Variants in NOVA1 observed in about 807,000 individuals in gnomAD.
The protein encoded by NOVA1 is NOVA alternative splicing regulator 1.
Under a neutral mutation model 38.0 loss-of-function variants are expected in NOVA1, and 7 were observed. The ratio of observed to expected loss-of-function variants is 0.18; its 90% CI spans 0.10 to 0.35. NOVA1 has a LOEUF of 0.35. NOVA1 is among the 10% of genes least tolerant of loss of function. The pLI is 1.00. For synonymous variants in NOVA1, 270 were observed against 232.5 expected, an observed-to-expected ratio of 1.16 and a Z score of -1.47; for missense variants, 460 against 616.0, an observed-to-expected ratio of 0.75 and a Z score of 2.68.
At chr14:26,559,332 A>G (rs178164) in intron 2 of NOVA1, among the ~76,000 whole-genome samples, 145,524 of 152,196 alleles carry the variant, frequency 0.96, 69,892 homozygotes, top group East Asian at 1. Context: ...TACCGTCATC[A>G]TTTATTGAAT....
chr14:26,591,195 T>C (rs2138811539), intron 2 of NOVA1, among the ~76,000 whole-genome samples: 1 of 151,782 alleles, frequency 6.6e-6, no homozygotes, highest in African/African-American at 2.4e-5. Flanking sequence ...TTTTCAGAGA[T>C]ACTAATGTTT....
At chr14:26,557,978 A>T (rs1202347444) in intron 2 of NOVA1, among the ~76,000 whole-genome samples, 1 of 151,882 alleles carries the variant, frequency 6.6e-6, no homozygotes, top group Non-Finnish European at 1.5e-5. Context: ...GAGGAACCTT[A>T]AACGCATCTT....
chr14:26,470,531 T>C (rs2138247289), intron 4 of NOVA1: 2 of 1,283,568 alleles, frequency 1.6e-6, no homozygotes, highest in Non-Finnish European at 2.3e-6. Flanking sequence ...TAAGTAACAA[T>C]ATAACAGAGT....
At chr14:26,557,228 T>C (rs1264163022) in intron 2 of NOVA1, among the ~76,000 whole-genome samples, 2 of 152,158 alleles carry the variant, frequency 1.3e-5, no homozygotes, top group Admixed American at 1.3e-4. Context: ...AGTATCTCCT[T>C]AGGGAAGTGA....
chr14:26,582,662 CTA>C (rs1353445068), intron 2 of NOVA1, among the ~76,000 whole-genome samples: 4 of 151,744 alleles, frequency 2.6e-5, no homozygotes, highest in Admixed American at 6.6e-5. Context: ...ACCTATCAAA[CTA>C]TATATGTTTT....
At chr14:26,494,879 C>A (rs1886639613) in intron 2 of NOVA1, among the ~76,000 whole-genome samples, 1 of 152,144 alleles carries the variant, frequency 6.6e-6, no homozygotes, top group Non-Finnish European at 1.5e-5. Flanking sequence ...TAGTTTGAAC[C>A]TGTAAATATT....
At chr14:26,537,157 G>A (rs990234965) in intron 2 of NOVA1, among the ~76,000 whole-genome samples, 2 of 151,906 alleles carry the variant, frequency 1.3e-5, no homozygotes, top group African/African-American at 4.8e-5. Context: ...ATAAAGGATT[G>A]ATAAATATAT....
chr14:26,508,825 T>C (rs927074976), intron 2 of NOVA1, among the ~76,000 whole-genome samples: 2 of 151,916 alleles, frequency 1.3e-5, no homozygotes, highest in Non-Finnish European at 2.9e-5. Context: ...AAAATCTTTA[T>C]ATTTTAAAAA....
intron 2 of NOVA1, among the ~76,000 whole-genome samples, chr14:26,568,834 G>A (rs893484671): frequency 2.0e-5 from 3 of 152,140 alleles, no homozygotes; most frequent in South Asian, 2.1e-4. Context: ...AGTAAAATAC[G>A]CCCTGATCCT....
intron 2 of NOVA1, among the ~76,000 whole-genome samples, chr14:26,589,900 T>TCAACCCAAGC (rs1893743369): frequency 1.3e-5 from 2 of 151,874 alleles, no homozygotes; most frequent in South Asian, 4.1e-4. Flanking sequence ...GGAAATTTCA[T>TCAACCCAAGC]CAACCCAAGC....
chr14:26,450,519 A>G (rs996254911), intron 4 of NOVA1, among the ~76,000 whole-genome samples: 7 of 152,300 alleles, frequency 4.6e-5, no homozygotes, highest in African/African-American at 1.7e-4. Context: ...TAAGTTTTCA[A>G]GAACTTAGAA....
intron 2 of NOVA1, among the ~76,000 whole-genome samples, chr14:26,563,371 T>A (rs1891943397): frequency 1.4e-5 from 2 of 140,444 alleles, no homozygotes; most frequent in Non-Finnish European, 3.1e-5. Context: ...AAGTAAAAAA[T>A]CAGAGAAACA....
intron 3 of NOVA1, among the ~76,000 whole-genome samples, chr14:26,474,485 C>T (rs964808867): frequency 2.0e-5 from 3 of 151,760 alleles, no homozygotes; most frequent in Non-Finnish European, 4.4e-5. Context: ...TACAATCTGT[C>T]GATTTTTATT....
intron 2 of NOVA1, among the ~76,000 whole-genome samples, chr14:26,488,453 C>T (rs1024221050): frequency 6.6e-6 from 1 of 152,134 alleles, no homozygotes; most frequent in African/African-American, 2.4e-5. Context: ...ATCTGCACAG[C>T]TGAGGAATCT....
chr14:26,527,692 T>C (rs1483219302), intron 2 of NOVA1, among the ~76,000 whole-genome samples: 1 of 152,104 alleles, frequency 6.6e-6, no homozygotes, highest in African/African-American at 2.4e-5. Flanking sequence ...CTGACAGCAG[T>C]AGACACCTTC....
At chr14:26,478,693 G>T (rs1885190876) in intron 3 of NOVA1, among the ~76,000 whole-genome samples, 1 of 151,796 alleles carries the variant, frequency 6.6e-6, no homozygotes, top group Non-Finnish European at 1.5e-5. Context: ...AATATCCACT[G>T]ATTTTACAGC....
chr14:26,545,402 T>A (rs78981703), intron 2 of NOVA1, among the ~76,000 whole-genome samples: 3,419 of 152,032 alleles, frequency 0.022, 105 homozygotes, highest in African/African-American at 0.068. Context: ...AATGGTGCAT[T>A]CCAATAAAGG....
intron 2 of NOVA1, among the ~76,000 whole-genome samples, chr14:26,483,786 G>A (rs980572162): frequency 6.6e-6 from 1 of 152,114 alleles, no homozygotes; most frequent in African/African-American, 2.4e-5. Flanking sequence ...ATGCAGCTTC[G>A]TCAATAAAGA....
intron 2 of NOVA1, among the ~76,000 whole-genome samples, chr14:26,541,394 A>G (rs1172692931): frequency 6.6e-6 from 1 of 151,750 alleles, no homozygotes; most frequent in Non-Finnish European, 1.5e-5. Flanking sequence ...TGGACCCACT[A>G]AAAGAGGGTT....
Sources: gnomAD v4.1 joint callset for allele counts (sites outside exome capture counted in the v4.1 genomes callset) on GRCh38, gnomAD v4.1.1 for gene constraint, MANE v1.5 for transcripts, NCBI Gene and HGNC (gene_info 2026-07-23, HGNC 2026-07-21) for gene names.